MRPS30: variants seen among roughly 807,000 people sequenced by gnomAD.
MRPS30 encodes large ribosomal subunit protein mL65.
MRPS30 carries 42 observed loss-of-function variants against 43.8 expected under a neutral mutation model. The ratio of observed to expected loss-of-function variants is 0.96; its 90% confidence interval spans 0.75 to 1.24. The LOEUF (loss-of-function observed/expected upper bound fraction) is 1.24, where lower values mean the gene tolerates loss of function less well. MRPS30 is among the 50% of genes most tolerant of loss of function. The pLI is 0.00. For synonymous variants in MRPS30, 273 were observed against 228.2 expected, an observed-to-expected ratio of 1.20 and a Z score of -1.77; for missense variants, 638 against 570.0, an observed-to-expected ratio of 1.12 and a Z score of -1.22.
Position 44,809,346 on chromosome 5 carries a change from G to A in MRPS30, c.384G>A (p.Glu128=), listed in dbSNP as rs1742783245. The A allele has an allele frequency of 1.9e-6, 3 of 1,608,316 alleles. No homozygotes were observed. Among genetic ancestry groups the A allele is most frequent in the Middle Eastern group, 1.7e-4 (1 of 6,054 alleles). ...CGCCCCCAGCGGAGCCCGAGCCCGA[G>A]CCCGAACCCGAACCTGAACCTGCGC... ...LPPPPAEPEP[E]PEPEPEPALD... Residue 128 remains glutamate (E), a synonymous_variant, in exon 1 of 5, where the codon GAG becomes GAA. Coordinates refer to ENST00000507110, the MANE Select transcript of MRPS30 (RefSeq NM_016640.4).
intron 2 of MRPS30, 28 bp downstream of exon 2, chr5:44,811,182 A>G (rs772328944): frequency 6.2e-6 from 10 of 1,609,096 alleles, no homozygotes; most frequent in South Asian, 3.3e-5. Flanking sequence ...TTATGTATCT[A>G]TTGATATCTC....
chr5:44,809,406 C>T lies in MRPS30; in HGVS notation c.444C>T (p.Asp148=), dbSNP rs369376366. ...CGGCGCTGCGTGCGGTCGCCTGCGA[C>T]TGCCTGCTGCAGGAGCACTTCTACC... ...DLAALRAVAC[D]CLLQEHFYLR... is the part of the protein sequence containing the mutation. The change falls in exon 1 of 5, where the codon GAC becomes GAT. Residue 148 remains aspartate (D), a synonymous_variant. Coordinates refer to ENST00000507110, the MANE Select transcript of MRPS30 (RefSeq NM_016640.4). The T allele has an allele frequency of 4.0e-5, 65 of 1,612,102 alleles. No individual in the cohort carries two copies. In the African/African-American group the frequency reaches 8.3e-4, roughly 20 times the overall value.
At chr5:44,812,256 T>C (rs10077694) in intron 3 of MRPS30, among the ~76,000 whole-genome samples, 2 of 152,226 alleles carry the variant, frequency 1.3e-5, no homozygotes, top group African/African-American at 4.8e-5. Flanking sequence ...TATTTAACTT[T>C]AGAAAATAGG....
Position 44,809,366 on chromosome 5 carries a change from C to T in MRPS30, c.404C>T (p.Pro135Leu), listed in dbSNP as rs769555603. The T allele has an allele frequency of 1.9e-6, 3 of 1,608,106 alleles. No homozygotes were observed. In the Admixed American group the frequency reaches 5.1e-5, roughly 27 times the overall value. ...PEPEPEPEPE[P>L]ALDLAALRAV... The stretch of plus-strand genomic sequence containing the variant: ...CCCGAGCCCGAACCCGAACCTGAAC[C>T]TGCGCTGGACCTCGCGGCGCTGCGT... Residue 135 changes from proline (P) to leucine (L), a missense_variant, in exon 1 of 5, where the codon CCT (proline) becomes CTT (leucine). Physicochemically the swap from Pro to Leu is moderately conservative, Grantham distance 98. Transcript: ENST00000507110.
At chr5:44,813,424 T>G (rs1228506848) in intron 4 of MRPS30, 142 bp downstream of exon 4, 1 of 667,742 alleles carries the variant, frequency 1.5e-6, no homozygotes, top group African/African-American at 1.9e-5. Flanking sequence ...AGTACAGTTG[T>G]TTTAAAATCC....
chr5:44,808,999 G>C lies in MRPS30; in HGVS notation c.37G>C (p.Gly13Arg). The C allele has an allele frequency of 6.2e-7, 1 of 1,608,490 alleles. No individual in the cohort carries two copies. The highest frequency in any genetic ancestry group is 1.7e-5 in the Admixed American group (1 of 59,430). Residue 13 changes from glycine (G) to arginine (R), a missense_variant, in exon 1 of 5, where the codon GGT becomes CGT. Coordinates refer to ENST00000507110, the MANE Select transcript of MRPS30 (RefSeq NM_016640.4). ...CAGGTGTTGGAGGCCTTTGCTACGC[G>C]GTCCGAGGCTTTCATTGCACACCGC... ...AARCWRPLLR[G>R]PRLSLHTAAN... is the part of the protein sequence containing the mutation.
Position 44,815,154 on chromosome 5 carries a change from T to A in MRPS30, c.1272T>A (p.Phe424Leu). The A allele has an allele frequency of 6.2e-7, 1 of 1,611,312 alleles. No individual in the cohort carries two copies. The highest frequency in any genetic ancestry group is 8.5e-7 in the Non-Finnish European group (1 of 1,179,260). ...ATGTTCTACTTCAGATAGTTCACTT[T>A]CTACTGAATAGACCAAAAGAAGAAA... ...NDDVLLQIVHFLLNRPKEEKS... is the reference protein window; with the variant it reads ...NDDVLLQIVHLLLNRPKEEKS... The change falls in exon 5 of 5, where the codon TTT (phenylalanine) becomes TTA (leucine). Residue 424 changes from phenylalanine (F) to leucine (L), a missense_variant. By Grantham distance (22) the Phe-to-Leu change is conservative (BLOSUM62 0). Coordinates refer to ENST00000507110, the MANE Select transcript of MRPS30 (RefSeq NM_016640.4).
Position 44,809,521 on chromosome 5 carries a change from C to T in MRPS30, c.559C>T (p.Leu187Phe), listed in dbSNP as rs1291654194. The T allele has an allele frequency of 2.5e-6, 4 of 1,610,628 alleles. No individual in the cohort carries two copies. The highest frequency in any genetic ancestry group is 3.4e-5 in the Admixed American group (2 of 59,684). ...TCAGCTGGTGTCAACCCTCGTGGGCCTCCTCAGCCCACACAACCCGGCCCT... is the reference window on the plus strand; with the variant it reads ...TCAGCTGGTGTCAACCCTCGTGGGCTTCCTCAGCCCACACAACCCGGCCCT... ...LDQLVSTLVG[L>F]LSPHNPALAA... Residue 187 changes from leucine (L) to phenylalanine (F), a missense_variant, in exon 1 of 5, where the codon CTC becomes TTC. By Grantham distance (22) the Leu-to-Phe change is conservative (BLOSUM62 0). Coordinates refer to ENST00000507110, the MANE Select transcript of MRPS30 (RefSeq NM_016640.4).
chr5:44,814,599 A>T (rs1167982158), intron 4 of MRPS30, among the ~76,000 whole-genome samples: 1 of 152,238 alleles, frequency 6.6e-6, no homozygotes, highest in Non-Finnish European at 1.5e-5. Context: ...GGGTAATGAC[A>T]TAGTACCAGA....
Position 44,809,296 on chromosome 5 carries a change from A to G in MRPS30, c.334A>G (p.Thr112Ala), listed in dbSNP as rs746134406. The G allele has an allele frequency of 1.4e-4, 226 of 1,612,888 alleles. No homozygotes were observed. The highest frequency in any genetic ancestry group is 1.8e-4 in the Non-Finnish European group (213 of 1,179,766). Residue 112 changes from threonine (T) to alanine (A), a missense_variant, in exon 1 of 5, where the codon ACC becomes GCC. Thr to Ala is a moderately conservative substitution (Grantham distance 58, BLOSUM62 0). Transcript: ENST00000507110. ...ADRWYQYFTK[T>A]VFLSGLPPPP... ...CCGCTGGTACCAGTACTTCACCAAG[A>G]CCGTGTTCCTGTCGGGTCTGCCGCC...
Position 44,809,095 on chromosome 5 carries a change from C to G in MRPS30, c.133C>G (p.Pro45Ala), listed in dbSNP as rs753072820. 1 of 1,611,454 alleles carries G rather than the reference C, an allele frequency of 6.2e-7. No individual in the cohort carries two copies. Among genetic ancestry groups the G allele is most frequent in the Non-Finnish European group, 8.5e-7 (1 of 1,179,406 alleles). The stretch of plus-strand genomic sequence containing the variant: ...CGCGGCGACCCCCGTCGCGCGGTAC[C>G]CGCCGATTGTGGCCTCCATGACAGC... ...DVAATPVARY[P>A]PIVASMTADS... Residue 45 changes from proline (P) to alanine (A), a missense_variant, in exon 1 of 5, where the codon CCG (proline) becomes GCG (alanine). Pro to Ala is a conservative substitution (Grantham distance 27). Coordinates refer to ENST00000507110, the MANE Select transcript of MRPS30 (RefSeq NM_016640.4).
intron 2 of MRPS30, among the ~76,000 whole-genome samples, chr5:44,811,509 A>C (rs1323870326): frequency 6.6e-6 from 1 of 152,240 alleles, no homozygotes; most frequent in Admixed American, 6.5e-5. Flanking sequence ...ACAGTTATCA[A>C]CTGGGCCATT....
rs750208668 is a variant in MRPS30, at chr5:44,809,397, C to G, written c.435C>G (p.Val145=). The part of the protein sequence containing the change: ...PALDLAALRA[V]ACDCLLQEHF... Reference sequence around the variant, plus strand: ...TGGACCTCGCGGCGCTGCGTGCGGTCGCCTGCGACTGCCTGCTGCAGGAGC... The same window carrying G: ...TGGACCTCGCGGCGCTGCGTGCGGTGGCCTGCGACTGCCTGCTGCAGGAGC... Residue 145 remains valine (V), a synonymous_variant, in exon 1 of 5, where the codon GTC becomes GTG. Coordinates refer to ENST00000507110, the MANE Select transcript of MRPS30 (RefSeq NM_016640.4). 2 of 1,610,628 alleles carry G rather than the reference C, an allele frequency of 1.2e-6. No homozygotes were observed. The highest frequency in any genetic ancestry group is 2.7e-5 in the African/African-American group (2 of 74,864).
Position 44,812,013 on chromosome 5 carries a change from A to G in MRPS30, c.846A>G (p.Ile282Met), listed in dbSNP as rs1742847587. 1.3e-6 allele frequency: 2 copies of G among 1,578,280 alleles called. No individual in the cohort carries two copies. The highest frequency in any genetic ancestry group is 1.2e-5 in the South Asian group (1 of 86,640). The change falls in exon 3 of 5, where the codon ATA (isoleucine) becomes ATG (methionine). Residue 282 changes from isoleucine (I) to methionine (M), a missense_variant. By Grantham distance (10) the Ile-to-Met change is conservative. Coordinates refer to ENST00000507110, the MANE Select transcript of MRPS30 (RefSeq NM_016640.4). Reference sequence around the variant, plus strand: ...TCAAACGGCAGTATGAAAACCACATATTTGTTGGTAAGTTTCTCTTTTGAC... The same window carrying G: ...TCAAACGGCAGTATGAAAACCACATGTTTGTTGGTAAGTTTCTCTTTTGAC... ...PLFKRQYENHIFVGSKTADPC... is the reference protein window; with the variant it reads ...PLFKRQYENHMFVGSKTADPC...
intron 4 of MRPS30, among the ~76,000 whole-genome samples, chr5:44,813,932 T>G (rs188892205): frequency 6.6e-6 from 1 of 152,316 alleles, no homozygotes; most frequent in East Asian, 1.9e-4. Flanking sequence ...AAGAATCTAT[T>G]TTTAAAAAGT....
At chr5:44,810,988 T>A (rs750990807) in intron 1 of MRPS30, 21 bp from the exon 2 acceptor site, 3 of 1,607,070 alleles carry the variant, frequency 1.9e-6, no homozygotes, top group South Asian at 1.1e-5. Flanking sequence ...ATGAAAAAAA[T>A]TTTGAATATC....
In MRPS30 at chr5:44,811,116, C is replaced by G. The variant is rs200967272; in HGVS notation, c.709C>G (p.Pro237Ala). 3 of 1,613,966 alleles carry G rather than the reference C, an allele frequency of 1.9e-6. No homozygotes were observed. The South Asian group carries it at 3.3e-5, about 18-fold the overall frequency. ...DDLRYQIDDK[P>A]NNQIRISKQL... ...CTTGCGATACCAGATAGATGATAAACCAAACAACCAGATTCGAATATCCAA... is the reference window on the plus strand; with the variant it reads ...CTTGCGATACCAGATAGATGATAAAGCAAACAACCAGATTCGAATATCCAA... Residue 237 changes from proline to alanine, a missense_variant, in exon 2 of 5, where the codon CCA (proline) becomes GCA (alanine). Coordinates refer to ENST00000507110, the MANE Select transcript of MRPS30 (RefSeq NM_016640.4).
In MRPS30 at chr5:44,809,377, C is replaced by A; in HGVS notation, c.415C>A (p.Leu139Ile). Reference protein sequence around the residue: ...PEPEPEPALDLAALRAVACDC... With the variant: ...PEPEPEPALDIAALRAVACDC... ...ACCCGAACCTGAACCTGCGCTGGAC[C>A]TCGCGGCGCTGCGTGCGGTCGCCTG... is the stretch of plus-strand genomic sequence containing the variant. Residue 139 changes from leucine to isoleucine, a missense_variant, in exon 1 of 5, where the codon CTC becomes ATC. Coordinates refer to ENST00000507110, the MANE Select transcript of MRPS30 (RefSeq NM_016640.4). The A allele has an allele frequency of 6.2e-7, 1 of 1,608,178 alleles. No individual in the cohort carries two copies. The highest frequency in any genetic ancestry group is 8.5e-7 in the Non-Finnish European group (1 of 1,177,268).
chr5:44,815,179 A>G lies in MRPS30; in HGVS notation c.1297A>G (p.Lys433Glu). 6.3e-7 allele frequency: 1 copy of G among 1,588,952 alleles called. No homozygotes were observed. The highest frequency in any genetic ancestry group is 8.5e-7 in the Non-Finnish European group (1 of 1,171,148). The change falls in exon 5 of 5, where the codon AAA (lysine) becomes GAA (glutamate). Residue 433 changes from lysine (K) to glutamate (E), a missense_variant. By Grantham distance (56) the Lys-to-Glu change is moderately conservative. Transcript: ENST00000507110. ...HFLLNRPKEE[K>E]SQLLEN ...TCTACTGAATAGACCAAAAGAAGAA[A>G]AATCACAGCTGTTGGAAAACTGAAA...
Sources: allele counts gnomAD v4.1 joint callset (sites outside exome capture counted in the v4.1 genomes callset), GRCh38; gene constraint gnomAD v4.1.1; transcripts MANE v1.5; gene names NCBI Gene and HGNC (gene_info 2026-07-23, HGNC 2026-07-21).